Variants in BEND5 observed in about 807,000 individuals in gnomAD.
The protein encoded by BEND5 is BEN domain-containing protein 5.
Under a neutral mutation model 43.9 loss-of-function variants are expected in BEND5, and 22 were observed. That is an observed-to-expected ratio of 0.50 (90% CI 0.36 to 0.72). BEND5 has a LOEUF of 0.72. BEND5 is among the 30% of genes least tolerant of loss of function. BEND5 has a pLI of 0.00. For missense variants in BEND5, 428 were observed against 550.6 expected, an observed-to-expected ratio of 0.78 and a Z score of 2.23; for synonymous variants, 228 against 225.9, an observed-to-expected ratio of 1.01 and a Z score of -0.08.
In BEND5 at chr1:48,727,914, C is replaced by T. The variant is rs776938575; in HGVS notation, c.1238G>A (p.Arg413Gln). The change falls in exon 6 of 6, where the codon CGA (arginine) becomes CAA (glutamine). Residue 413 changes from arginine (R) to glutamine (Q), a missense_variant. By Grantham distance (43) the Arg-to-Gln change is conservative. This residue lies in a region of BEND5 where 75 missense variants were observed against 148.5 expected (regional missense o/e 0.50). Coordinates refer to ENST00000371833, the MANE Select transcript of BEND5 (RefSeq NM_024603.4). ...TTGCAAATTGTATTTTGCTTCCCTT[C>T]GTTCTTCATTTTTACAGGATTTATT... is the stretch of plus-strand genomic sequence containing the variant. The part of the protein sequence containing the change: ...DINKSCKNEE[R>Q]REAKYNLQ 1.2e-6 allele frequency: 2 copies of T among 1,606,244 alleles called. No homozygotes were observed. Among genetic ancestry groups the T allele is most frequent in the Admixed American group, 1.7e-5 (1 of 59,404 alleles).
chr1:48,761,404 T>C lies in BEND5; in HGVS notation c.293A>G (p.Asn98Ser). The part of the protein sequence containing the change: ...KKIKIPKLSL[N>S]HVEEDGEVKD... ...AACCTCTCCATCTTCTTCTACATGA[T>C]TAAGAGAAAGCTTGGGGATTTTTAT... is the stretch of plus-strand genomic sequence containing the variant. The change falls in exon 2 of 6, where the codon AAT (asparagine) becomes AGT (serine). Residue 98 changes from asparagine (N) to serine (S), a missense_variant. Physicochemically the swap from Asn to Ser is conservative, Grantham distance 46 (BLOSUM62 1). Coordinates refer to ENST00000371833, the MANE Select transcript of BEND5 (RefSeq NM_024603.4). The C allele has an allele frequency of 1.9e-6, 3 of 1,551,700 alleles. No homozygotes were observed. The highest frequency in any genetic ancestry group is 2.7e-5 in the African/African-American group (2 of 73,182).
chr1:48,776,804 C>A lies in BEND5; in HGVS notation c.28G>T (p.Asp10Tyr). The A allele has an allele frequency of 1.3e-6, 2 of 1,522,686 alleles. No individual in the cohort carries two copies. Among genetic ancestry groups the A allele is most frequent in the Non-Finnish European group, 1.8e-6 (2 of 1,135,950 alleles). 94.3% of individuals were successfully genotyped at this position (1,522,686 alleles called of 1,614,324 possible). MYAFVRFLE[D>Y]NVCYALPVSC... ...ACGGGCAGCGCGTAGCAGACGTTGT[C>A]CTCCAGGAACCGCACAAAGGCGTAC... Residue 10 changes from aspartate to tyrosine, a missense_variant, in exon 1 of 6, where the codon GAC becomes TAC. Asp to Tyr is a radical substitution (Grantham distance 160). This residue lies in a region of BEND5 where 107 missense variants were observed against 98.8 expected (regional missense o/e 1.08). Coordinates refer to ENST00000371833, the MANE Select transcript of BEND5 (RefSeq NM_024603.4).
At chr1:48,749,994 C>T (rs1380102054) in intron 3 of BEND5, among the ~76,000 whole-genome samples, 4 of 152,174 alleles carry the variant, frequency 2.6e-5, no homozygotes, top group African/African-American at 7.2e-5. Flanking sequence ...CCACTGTGGG[C>T]ACAGTGAGTG....
chr1:48,736,546 T>C lies in BEND5; in HGVS notation c.895-94A>G. ...TTTAAAAAGCATTGCTGCACAACTG[T>C]AAGAGATTCATGTCATAAATATGAA... On this transcript the variant is annotated intron_variant, in intron 4 of 5. Coordinates refer to ENST00000371833, the MANE Select transcript of BEND5 (RefSeq NM_024603.4). The surrounding 1 kb of genome is among the most constrained non-coding windows in gnomAD (Gnocchi z 4.0). 1 of 1,063,226 alleles carries C rather than the reference T, an allele frequency of 9.4e-7. No individual in the cohort carries two copies. Among genetic ancestry groups the C allele is most frequent in the Non-Finnish European group, 1.4e-6 (1 of 707,374 alleles). 65.9% of individuals were successfully genotyped at this position (1,063,226 alleles called of 1,614,324 possible).
intron 1 of BEND5, among the ~76,000 whole-genome samples, chr1:48,763,008 A>T (rs1557963005): frequency 2.0e-5 from 3 of 152,154 alleles, no homozygotes. Flanking sequence ...TACACACTGA[A>T]CATTCAATGG....
rs1462790818 is a variant in BEND5, at chr1:48,776,872, C to G, written c.-41G>C. ...CGGGCCCCGGTCGGGCAGCTCAGCC[C>G]GCGGGGCGGGCGCGGAGGTGGGGAT... On this transcript the variant is annotated 5_prime_UTR_variant, in exon 1 of 6. Transcript: ENST00000371833. The G allele has an allele frequency of 8.0e-7, 1 of 1,248,858 alleles. No individual in the cohort carries two copies. Among genetic ancestry groups the G allele is most frequent in the Non-Finnish European group, 1.0e-6 (1 of 961,270 alleles). The allele number at this position is 1,248,858 out of a possible 1,614,324, so 77.4% of individuals were successfully genotyped here.
chr1:48,736,587 G>T lies in BEND5; in HGVS notation c.895-135C>A. The T allele has an allele frequency of 1.3e-6, 1 of 756,804 alleles. No homozygotes were observed. The allele number at this position is 756,804 out of a possible 1,614,324, so 46.9% of individuals were successfully genotyped here. A position where few individuals can be genotyped will look rare whatever the true frequency, so the allele number is the denominator to read the frequency against. ...TAAATATGAAATTAACTCTCTTTAA[G>T]GGTAATCGTAATAGCTATCATCTAC... On this transcript the variant is annotated intron_variant, in intron 4 of 5. Coordinates refer to ENST00000371833, the MANE Select transcript of BEND5 (RefSeq NM_024603.4). This position sits in a 1 kb window ranked among gnomAD's most constrained non-coding sequence, Gnocchi z 4.0.
chr1:48,751,432 C>T (rs1651714199), intron 3 of BEND5, among the ~76,000 whole-genome samples: 1 of 152,196 alleles, frequency 6.6e-6, no homozygotes, highest in Admixed American at 6.5e-5. Context: ...CATGGCAAAG[C>T]AAGAGGGGCC....
At chr1:48,774,625 A>G (rs1271866653) in intron 1 of BEND5, among the ~76,000 whole-genome samples, 1 of 152,242 alleles carries the variant, frequency 6.6e-6, no homozygotes, top group Non-Finnish European at 1.5e-5. Flanking sequence ...AGATTTATCA[A>G]CATTCTAACT....
intron 1 of BEND5, among the ~76,000 whole-genome samples, chr1:48,774,765 C>T (rs971645199): frequency 6.6e-6 from 1 of 152,168 alleles, no homozygotes; most frequent in Non-Finnish European, 1.5e-5. Context: ...CCTAAGTGGC[C>T]TCTCTGCAGT....
chr1:48,769,335 C>G (rs1275219961), intron 1 of BEND5, among the ~76,000 whole-genome samples: 2 of 152,110 alleles, frequency 1.3e-5, no homozygotes, highest in Non-Finnish European at 2.9e-5. Context: ...GGCCTTGGTA[C>G]AGGACTGGGG....
At chr1:48,776,561 A>G in intron 1 of BEND5, 45 bp downstream of exon 1, 1 of 748,548 alleles carries the variant, frequency 1.3e-6, no homozygotes, top group Non-Finnish European at 1.8e-6. Context: ...CCGGGGTCCC[A>G]GCCCCCGCCC....
intron 3 of BEND5, among the ~76,000 whole-genome samples, chr1:48,753,069 A>G (rs1292013423): frequency 6.6e-6 from 1 of 152,208 alleles, no homozygotes; most frequent in Non-Finnish European, 1.5e-5. Context: ...TTTAAGAACC[A>G]TAATAGCTGA....
At chr1:48,770,796 C>T (rs1644782809) in intron 1 of BEND5, among the ~76,000 whole-genome samples, 2 of 152,202 alleles carry the variant, frequency 1.3e-5, no homozygotes. Context: ...TACAACCAGT[C>T]AGTTACTAAG....
intron 3 of BEND5, among the ~76,000 whole-genome samples, chr1:48,757,461 GGCCA>G (rs1308447524): frequency 4.9e-4 from 74 of 152,300 alleles, no homozygotes; most frequent in Non-Finnish European, 7.8e-4. Flanking sequence ...TTGGGACAAT[GGCCA>G]AGGCAATGGT....
chr1:48,765,315 G>T (rs1490247683), intron 1 of BEND5, among the ~76,000 whole-genome samples: 1 of 152,142 alleles, frequency 6.6e-6, no homozygotes, highest in African/African-American at 2.4e-5. Flanking sequence ...TATATGAAAG[G>T]AGCTCAACAT....
intron 5 of BEND5, among the ~76,000 whole-genome samples, chr1:48,735,570 G>A (rs1648909027): frequency 6.6e-6 from 1 of 151,832 alleles, no homozygotes; most frequent in Non-Finnish European, 1.5e-5. Context: ...GGGAGGAAGA[G>A]AAAATTCCAG....
At chr1:48,737,213 G>T (rs1649204573) in intron 4 of BEND5, among the ~76,000 whole-genome samples, 2 of 152,162 alleles carry the variant, frequency 1.3e-5, no homozygotes, top group South Asian at 4.2e-4. Flanking sequence ...GAACCTGGGA[G>T]GAAGAGGTTG....
chr1:48,739,040 C>T (rs1649500719), intron 4 of BEND5, among the ~76,000 whole-genome samples: 1 of 152,206 alleles, frequency 6.6e-6, no homozygotes, highest in Non-Finnish European at 1.5e-5. Context: ...TTCCTTGCTG[C>T]CACCACGGTG....
Sources: allele counts gnomAD v4.1 joint callset (sites outside exome capture counted in the v4.1 genomes callset), GRCh38; gene constraint gnomAD v4.1.1; regional missense constraint gnomAD v4.1.1; non-coding constraint Gnocchi (gnomAD v3.1); transcripts MANE v1.5; gene names NCBI Gene and HGNC (gene_info 2026-07-23, HGNC 2026-07-21).